Variants in PCDHA6 observed in about 807,000 individuals in gnomAD.
PCDHA6 encodes the protein protocadherin alpha-6.
In PCDHA6, 55 loss-of-function variants were observed where a neutral mutation model predicts 60.3. That is an observed-to-expected ratio of 0.91 (90% CI 0.73 to 1.14). The LOEUF (loss-of-function observed/expected upper bound fraction) is 1.14, where lower values mean the gene tolerates loss of function less well. PCDHA6 is among the 50% of genes most tolerant of loss of function. PCDHA6 has a pLI of 0.00. For missense variants in PCDHA6, 1,327 were observed against 1,256.5 expected (o/e 1.06, Z -0.85); for synonymous variants, 652 against 557.9 (o/e 1.17, Z -2.38).
At chr5:140,969,553 G>T in intron 1 of PCDHA6, 1 of 1,229,652 alleles carries the variant, frequency 8.1e-7, no homozygotes, top group Non-Finnish European at 1.1e-6. Flanking sequence ...ATGAAGCCTT[G>T]TCCATAAAAT....
chr5:140,965,173 G>A (rs1257436786), intron 1 of PCDHA6, among the ~76,000 whole-genome samples: 1 of 152,218 alleles, frequency 6.6e-6, no homozygotes, highest in African/African-American at 2.4e-5. Flanking sequence ...TTTAGTGAGT[G>A]CTTTTTTTGC....
intron 1 of PCDHA6, chr5:140,863,574 T>C (rs1162134770): frequency 2.7e-6 from 1 of 367,398 alleles, no homozygotes; most frequent in Non-Finnish European, 5.3e-6. Flanking sequence ...ATATAAGTAC[T>C]GTAATCCTGG....
intron 1 of PCDHA6, among the ~76,000 whole-genome samples, chr5:140,840,213 T>C (rs1554137734): frequency 6.6e-6 from 1 of 152,020 alleles, no homozygotes; most frequent in Non-Finnish European, 1.5e-5. Flanking sequence ...GTCATAAAAA[T>C]ACATATGAGT....
chr5:140,853,726 C>T lies in PCDHA6; in HGVS notation c.2394+23241C>T, dbSNP rs545120074. 3.5e-4 allele frequency: 346 copies of T among 988,324 alleles called. 23 individuals are homozygous for T. The highest frequency in any genetic ancestry group is 4.1e-4 in the Non-Finnish European group (339 of 820,418). The allele number at this position is 988,324 out of a possible 1,614,324, so 61.2% of individuals were successfully genotyped here. On this transcript the variant is annotated intron_variant, in intron 1 of 3. Transcript: ENST00000529310. ...CATTAGCATTAGCAGCACCTAAGTC[C>T]TCATTGAATGTTCTGGTTCAAGGCT...
chr5:140,975,156 G>A (rs1404839334), intron 1 of PCDHA6, among the ~76,000 whole-genome samples: 15 of 152,174 alleles, frequency 9.9e-5, no homozygotes, highest in Non-Finnish European at 2.1e-4. Context: ...AGTTCCTAGA[G>A]AACTGAGGAC....
At chr5:140,928,000 G>T (rs2084855141) in intron 1 of PCDHA6, 1 of 1,614,166 alleles carries the variant, frequency 6.2e-7, no homozygotes, top group Non-Finnish European at 8.5e-7. Context: ...TGAAGACCTC[G>T]ATTCTAATGG....
At chr5:140,870,956 G>A (rs1554164932) in intron 1 of PCDHA6, 1 of 1,613,634 alleles carries the variant, frequency 6.2e-7, no homozygotes, top group Non-Finnish European at 8.5e-7. Context: ...GGCGGCTCGC[G>A]CATCCCGTTC....
intron 1 of PCDHA6, chr5:140,869,302 G>C (rs985203011): frequency 6.2e-7 from 1 of 1,613,642 alleles, no homozygotes; most frequent in Admixed American, 1.7e-5. Context: ...GTTCCGGGTG[G>C]CGTCCAAAAC....
chr5:140,848,775 G>A, intron 1 of PCDHA6: 1 of 1,593,566 alleles, frequency 6.3e-7, no homozygotes, highest in Non-Finnish European at 8.6e-7. Context: ...CGACCGCGAG[G>A]AGCTGTGCGG....
chr5:140,836,445 G>C, intron 1 of PCDHA6: 1 of 1,613,836 alleles, frequency 6.2e-7, no homozygotes, highest in Non-Finnish European at 8.5e-7. Flanking sequence ...GGGCATTGCA[G>C]GCCCAGAGAC....
chr5:140,975,139 C>G (rs2096655397), intron 1 of PCDHA6, among the ~76,000 whole-genome samples: 1 of 152,154 alleles, frequency 6.6e-6, no homozygotes, highest in Non-Finnish European at 1.5e-5. Flanking sequence ...GGCCTGGGGT[C>G]ACTCTCAGTT....
intron 3 of PCDHA6, among the ~76,000 whole-genome samples, chr5:141,004,166 A>C (rs2098156060): frequency 6.6e-6 from 1 of 152,278 alleles, no homozygotes; most frequent in Non-Finnish European, 1.5e-5. Context: ...AGGCAAAGCC[A>C]GCCAAGTGTC....
intron 3 of PCDHA6, among the ~76,000 whole-genome samples, chr5:140,989,936 C>T (rs564429410): frequency 1.3e-5 from 2 of 152,104 alleles, no homozygotes; most frequent in Non-Finnish European, 2.9e-5. Flanking sequence ...AGATGACATT[C>T]CACGTTTTTC....
intron 1 of PCDHA6, among the ~76,000 whole-genome samples, chr5:140,897,735 C>G (rs2066294879): frequency 6.6e-6 from 1 of 152,160 alleles, no homozygotes; most frequent in Non-Finnish European, 1.5e-5. Flanking sequence ...AATAGTATTT[C>G]TAGTTCTAGA....
intron 1 of PCDHA6, chr5:140,969,456 A>G (rs963968770): frequency 4.0e-6 from 6 of 1,508,992 alleles, no homozygotes; most frequent in Admixed American, 2.2e-5. Flanking sequence ...CTGAGTATAT[A>G]TAGTATCCAC....
intron 1 of PCDHA6, among the ~76,000 whole-genome samples, chr5:140,942,347 G>T (rs2093273719): frequency 6.6e-6 from 1 of 151,956 alleles, no homozygotes; most frequent in Non-Finnish European, 1.5e-5. Flanking sequence ...GGGAGGCGGA[G>T]GTTGCAGTTA....
rs2150355874 is a variant in PCDHA6, at chr5:140,843,244, C to G, written c.2394+12759C>G. 38 of 1,595,906 alleles carry G rather than the reference C, an allele frequency of 2.4e-5. 6 individuals carry two copies. The Middle Eastern group carries it at 6.6e-4, about 28-fold the overall frequency. On this transcript the variant is annotated intron_variant, in intron 1 of 3. Transcript: ENST00000529310. ...CCACTCGTGTCCTGGACGAAGCGGA[C>G]TCTCCGCGCCACCGTCTGCTGGTCC...
At position 140,877,452 on chromosome 5, in the gene PCDHA6, G is replaced by A. The variant is rs116206336; in HGVS notation, c.2394+46967G>A. On this transcript the variant is annotated intron_variant, in intron 1 of 3. Transcript: ENST00000529310. ...AGGACCACGGTGAGCCCGCGCTGAC[G>A]TCCACGGCCACGGTGCTGGTGTCGC... 1,416 of 1,613,822 alleles carry A rather than the reference G, an allele frequency of 8.8e-4. 8 individuals carry two copies. The African/African-American group carries it at 0.017, about 19-fold the overall frequency.
intron 1 of PCDHA6, chr5:140,876,915 C>A: frequency 6.2e-7 from 1 of 1,613,966 alleles, no homozygotes; most frequent in Non-Finnish European, 8.5e-7. Flanking sequence ...CGGCATGGGA[C>A]GCGGACGCGC....
Sources: allele counts gnomAD v4.1 joint callset (sites outside exome capture counted in the v4.1 genomes callset), GRCh38; gene constraint gnomAD v4.1.1; transcripts MANE v1.5; gene names NCBI Gene and HGNC (gene_info 2026-07-23, HGNC 2026-07-21).